The following MACF1 variants were observed in gnomAD, a reference collection of about 807,000 sequenced individuals.
MACF1 encodes microtubule-actin cross-linking factor 1.
MACF1 carries 193 observed loss-of-function variants against 854.8 expected under a neutral mutation model. The observed-to-expected ratio is 0.23, with a 90% confidence interval of 0.20 to 0.25. The LOEUF (loss-of-function observed/expected upper bound fraction) is 0.25, where lower values mean the gene tolerates loss of function less well. Among genes scored for constraint, MACF1 ranks in the 10% least tolerant of loss-of-function variants. MACF1 has a pLI of 1.00. For missense variants in MACF1, 7,722 were observed against 8,929.1 expected (o/e 0.86, Z 5.45); for synonymous variants, 3,185 against 3,226.7 (o/e 0.99, Z 0.44).
intron 22 of MACF1, among the ~76,000 whole-genome samples, chr1:39,300,744 T>C (rs1646022421): frequency 6.6e-6 from 1 of 152,186 alleles, no homozygotes; most frequent in Non-Finnish European, 1.5e-5. Context: ...CCTGCTAATA[T>C]TACCCTAAGA....
chr1:39,140,055 G>T (rs1172079758), intron 2 of MACF1, among the ~76,000 whole-genome samples: 1 of 151,926 alleles, frequency 6.6e-6, no homozygotes, highest in East Asian at 1.9e-4. Context: ...CTGGGCTCAA[G>T]AGATTGTCCC....
intron 2 of MACF1, among the ~76,000 whole-genome samples, chr1:39,154,729 T>A (rs1643648852): frequency 6.6e-6 from 1 of 151,958 alleles, no homozygotes; most frequent in South Asian, 2.1e-4. Flanking sequence ...GGATTTTTTT[T>A]TTTTAACAGC....
intron 2 of MACF1, among the ~76,000 whole-genome samples, chr1:39,186,632 G>A (rs1234779089): frequency 6.6e-6 from 1 of 151,444 alleles, no homozygotes; most frequent in Admixed American, 6.6e-5. Context: ...TTAAGAGACA[G>A]GGTCTCACTC....
At chr1:39,351,105 C>T in intron 43 of MACF1, 87 bp downstream of exon 43, 2 of 920,054 alleles carry the variant, frequency 2.2e-6, no homozygotes, top group East Asian at 5.4e-5. Context: ...GGAAAACAGG[C>T]TTATAGCATG....
chr1:39,450,136 A>G (rs1181005820), intron 84 of MACF1, among the ~76,000 whole-genome samples: 1 of 152,034 alleles, frequency 6.6e-6, no homozygotes. Flanking sequence ...TGCTGGGATT[A>G]CAGGTGTCAG....
Position 39,324,735 on chromosome 1 carries a change from G to A in MACF1, c.4478+1G>A. The stretch of plus-strand genomic sequence containing the variant: ...TCTTCTTGGCCAAGCATGGTCATAA[G>A]TGAGTATTAAATGAGAGATTATGGC... On this transcript the variant is annotated splice_donor_variant, in intron 35 of 100. Transcript: ENST00000564288. LOFTEE classifies it high-confidence loss of function. 6.2e-7 allele frequency: 1 copy of A among 1,609,930 alleles called. No individual in the cohort carries two copies. Among genetic ancestry groups the A allele is most frequent in the Non-Finnish European group, 8.5e-7 (1 of 1,176,458 alleles).
chr1:39,310,576 G>A, intron 25 of MACF1, 148 bp downstream of exon 25: 1 of 911,782 alleles, frequency 1.1e-6, no homozygotes, highest in Non-Finnish European at 1.6e-6. Context: ...AGAACTTATA[G>A]ATGAATTCTC....
chr1:39,406,758 A>AAAAAAAACAG (rs1642728443), intron 58 of MACF1, among the ~76,000 whole-genome samples: 1 of 149,218 alleles, frequency 6.7e-6, no homozygotes, highest in African/African-American at 2.5e-5. Context: ...AAAAAAAAAA[A>AAAAAAAACAG]CATTCTTTAT....
In MACF1 at chr1:39,250,002, T is replaced by G; in HGVS notation, c.172-12T>G. 1 of 1,542,794 alleles carries G rather than the reference T, an allele frequency of 6.5e-7. No individual in the cohort carries two copies. The highest frequency in any genetic ancestry group is 8.9e-7 in the Non-Finnish European group (1 of 1,118,766). ...TCAAATAAAAATCTGTCTGTTTCACTCTCATTCACAGGTCCGCAAGCACAT... is the reference window on the plus strand; with the variant it reads ...TCAAATAAAAATCTGTCTGTTTCACGCTCATTCACAGGTCCGCAAGCACAT... On this transcript the variant is annotated splice_polypyrimidine_tract_variant and intron_variant, in intron 2 of 100. Coordinates refer to ENST00000564288, the MANE Select transcript of MACF1 (RefSeq NM_001394062.1).
intron 2 of MACF1, among the ~76,000 whole-genome samples, chr1:39,116,210 G>C (rs1190512996): frequency 6.6e-6 from 1 of 152,232 alleles, no homozygotes; most frequent in East Asian, 1.9e-4. Context: ...AGAGTCAAAA[G>C]TTGTGTCTTT....
chr1:39,273,160 G>A (rs990605807), intron 6 of MACF1, among the ~76,000 whole-genome samples: 4 of 133,510 alleles, frequency 3.0e-5, no homozygotes, highest in Non-Finnish European at 4.6e-5. Context: ...TTTTTGACAC[G>A]GAGTCTGGCT....
chr1:39,428,945 G>A (rs1475041002), intron 63 of MACF1, among the ~76,000 whole-genome samples: 2 of 152,154 alleles, frequency 1.3e-5, no homozygotes, highest in African/African-American at 4.8e-5. Flanking sequence ...AGACAATTTT[G>A]CTCAATTTCA....
At chr1:39,362,129 A>G (rs947205852) in intron 49 of MACF1, among the ~76,000 whole-genome samples, 3 of 152,230 alleles carry the variant, frequency 2.0e-5, no homozygotes, top group Admixed American at 6.5e-5. Context: ...AATATTTGGT[A>G]AAAGTATTAA....
At chr1:39,348,764 C>T (rs898601690) in intron 41 of MACF1, among the ~76,000 whole-genome samples, 4 of 152,162 alleles carry the variant, frequency 2.6e-5, no homozygotes, top group African/African-American at 9.7e-5. Context: ...CAATGTCATA[C>T]AACTGAGATA....
Position 39,442,896 on chromosome 1 carries a change from G to A in MACF1, c.19287G>A (p.Gln6429=). ...QKTEEREQQL[Q]STLQQAQGFH... is the part of the protein sequence containing the mutation. ...CAGAGGAGAGGGAGCAGCAGCTTCA[G>A]TCAACTCTGCAGCAGGTACATGTGA... Residue 6429 remains glutamine (Q), a synonymous_variant, in exon 78 of 101, where the codon CAG becomes CAA. Coordinates refer to ENST00000564288, the MANE Select transcript of MACF1 (RefSeq NM_001394062.1). 1 of 1,613,778 alleles carries A rather than the reference G, an allele frequency of 6.2e-7. No homozygotes were observed. Among genetic ancestry groups the A allele is most frequent in the Non-Finnish European group, 8.5e-7 (1 of 1,179,820 alleles).
chr1:39,224,736 A>G (rs1404473155), intron 1 of MACF1, among the ~76,000 whole-genome samples: 1 of 152,190 alleles, frequency 6.6e-6, no homozygotes, highest in African/African-American at 2.4e-5. Flanking sequence ...AAGAGCAGCA[A>G]AGAGATCCAG....
At chr1:39,463,445 G>A (rs1280152595) in intron 93 of MACF1, among the ~76,000 whole-genome samples, 167 bp from the exon 94 acceptor site, 2 of 150,444 alleles carry the variant, frequency 1.3e-5, no homozygotes, top group Admixed American at 1.3e-4. Flanking sequence ...AGCCGAGATC[G>A]CACCATTGCC....
At chr1:39,458,149 G>T in intron 89 of MACF1, 1 of 495,274 alleles carries the variant, frequency 2.0e-6, no homozygotes, top group Non-Finnish European at 3.6e-6. Context: ...ATCACATCCC[G>T]TTAGACCCCA....
chr1:39,131,264 A>C (rs1251142614), intron 2 of MACF1, among the ~76,000 whole-genome samples: 2 of 149,634 alleles, frequency 1.3e-5, no homozygotes, highest in Non-Finnish European at 3.0e-5. Flanking sequence ...CCTGGGCTAA[A>C]GCGATCCTCC....
Sources: allele counts gnomAD v4.1 joint callset (sites outside exome capture counted in the v4.1 genomes callset), GRCh38; gene constraint gnomAD v4.1.1; transcripts MANE v1.5; gene names NCBI Gene and HGNC (gene_info 2026-07-23, HGNC 2026-07-21).